EBF3: variants seen among roughly 807,000 people sequenced by gnomAD.
EBF3 encodes transcription factor COE3.
EBF3 carries 18 observed loss-of-function variants against 77.1 expected under a neutral mutation model. That is an observed-to-expected ratio of 0.23 (90% CI 0.16 to 0.35). The LOEUF (loss-of-function observed/expected upper bound fraction) is 0.35, where lower values mean the gene tolerates loss of function less well. Among genes scored for constraint, EBF3 ranks in the 10% least tolerant of loss-of-function variants. The pLI is 1.00. For synonymous variants in EBF3, 350 were observed against 343.5 expected (o/e 1.02, Z -0.21); for missense variants, 558 against 860.0 (o/e 0.65, Z 4.39).
In EBF3 at chr10:129,835,310, TTAAA is replaced by T. The variant is rs1341046327; in HGVS notation, c.*2629_*2632del. On this transcript the variant is annotated 3_prime_UTR_variant, in exon 17 of 17. Coordinates refer to ENST00000440978, the MANE Select transcript of EBF3 (RefSeq NM_001375380.1). ...AATTCACAGACAAGAAATACTTTAA[TTAAA>T]TATTGTGTAAAATGAACATTTTTAT... The T allele has an allele frequency of 2.6e-5, 4 of 152,596 alleles. No individual in the cohort carries two copies. The highest frequency in any genetic ancestry group is 2.1e-4 in the South Asian group (1 of 4,830). 9.5% of individuals were successfully genotyped at this position (152,596 alleles called of 1,614,324 possible). A position where few individuals can be genotyped will look rare whatever the true frequency, so the allele number is the denominator to read the frequency against.
At chr10:129,889,802 CAAAA>C (rs57252162) in intron 6 of EBF3, among the ~76,000 whole-genome samples, 1 of 114,914 alleles carries the variant, frequency 8.7e-6, no homozygotes, top group Non-Finnish European at 1.7e-5. Flanking sequence ...GTCACATCTG[CAAAA>C]AAAAAAAAAA....
Position 129,844,610 on chromosome 10 carries a change from G to A in EBF3, c.1129-1408C>T, listed in dbSNP as rs201208597. On this transcript the variant is annotated intron_variant, in intron 11 of 16. Coordinates refer to ENST00000440978, the MANE Select transcript of EBF3 (RefSeq NM_001375380.1). ...CGACTCTGGACCCTTTATTTATCAA[G>A]ATTAATCACTACGGGCATCACTTTT... Among the ~76,000 whole-genome samples the A allele has an allele frequency of 7.2e-5, 11 of 152,232 alleles. No homozygotes were observed. In the East Asian group the frequency reaches 2.1e-3, roughly 29 times the overall value.
In EBF3 at chr10:129,841,827, G is replaced by A. The variant is rs990042470; in HGVS notation, c.1372+289C>T. Among the ~76,000 whole-genome samples, 16 of 152,174 alleles carry A rather than the reference G, an allele frequency of 1.1e-4. No homozygotes were observed. Among genetic ancestry groups the A allele is most frequent in the African/African-American group, 3.6e-4 (15 of 41,440 alleles). ...AGCCCAGACTTCCAAGGAAAGCAAAGTCTCTTATGAACACATTGAGGGAAA... is the reference window on the plus strand; with the variant it reads ...AGCCCAGACTTCCAAGGAAAGCAAAATCTCTTATGAACACATTGAGGGAAA... On this transcript the variant is annotated intron_variant, in intron 13 of 16. Coordinates refer to ENST00000440978, the MANE Select transcript of EBF3 (RefSeq NM_001375380.1). The surrounding 1 kb of genome is among the most constrained non-coding windows in gnomAD (Gnocchi z 4.6).
At chr10:129,928,146 G>A (rs1035610861) in intron 6 of EBF3, among the ~76,000 whole-genome samples, 7 of 152,190 alleles carry the variant, frequency 4.6e-5, no homozygotes, top group African/African-American at 7.2e-5. Context: ...ATGCGAAAAC[G>A]ACTCAGGCAG....
chr10:129,937,520 CAA>C (rs753643354), intron 6 of EBF3, among the ~76,000 whole-genome samples: 90 of 152,208 alleles, frequency 5.9e-4, no homozygotes, highest in Non-Finnish European at 1.2e-3. Context: ...TGGGGGTCTG[CAA>C]GCCCACCTGT....
chr10:129,891,254 G>A (rs1271327767), intron 6 of EBF3, among the ~76,000 whole-genome samples: 1 of 152,124 alleles, frequency 6.6e-6, no homozygotes, highest in African/African-American at 2.4e-5. Context: ...CTGATACTCT[G>A]AGCCCTGATT....
intron 7 of EBF3, among the ~76,000 whole-genome samples, chr10:129,874,150 T>G (rs11016988): frequency 0.048 from 7,360 of 152,270 alleles, 494 homozygotes; most frequent in African/African-American, 0.15. Context: ...GAACTTTTTT[T>G]CATCTGAAAA....
At chr10:129,956,151 A>C (rs1859019988) in intron 6 of EBF3, among the ~76,000 whole-genome samples, 1 of 152,236 alleles carries the variant, frequency 6.6e-6, no homozygotes, top group South Asian at 2.1e-4. Context: ...CAGCTAGTTA[A>C]ACATTAGCAT....
At position 129,872,627 on chromosome 10, in the gene EBF3, C is replaced by G. The variant is rs369419173; in HGVS notation, c.781+825G>C. Among the ~76,000 whole-genome samples the G allele has an allele frequency of 2.6e-5, 4 of 152,250 alleles. No homozygotes were observed. In the East Asian group the frequency reaches 5.8e-4, roughly 22 times the overall value. ...GGATTCGATCATGCTGTTTTGTTTG[C>G]AATTCACTTAAAAAAACACTCACAT... On this transcript the variant is annotated intron_variant, in intron 8 of 16. Coordinates refer to ENST00000440978, the MANE Select transcript of EBF3 (RefSeq NM_001375380.1).
Position 129,848,077 on chromosome 10 carries a change from G to A in EBF3, c.1128+315C>T, listed in dbSNP as rs149624651. 3.3e-3 allele frequency among the ~76,000 whole-genome samples: 496 copies of A among 152,306 alleles called. 2 individuals are homozygous for A. The highest frequency in any genetic ancestry group is 0.011 in the African/African-American group (468 of 41,562). On this transcript the variant is annotated intron_variant, in intron 11 of 16. Transcript: ENST00000440978. The surrounding 1 kb of genome is among the most constrained non-coding windows in gnomAD (Gnocchi z 4.4). ...GTTTAATTGAACTATTTCATTACGCGGAAGTTTATGTCCCCCTCACAGAAT... is the reference window on the plus strand; with the variant it reads ...GTTTAATTGAACTATTTCATTACGCAGAAGTTTATGTCCCCCTCACAGAAT...
chr10:129,933,853 G>T (rs1857186235), intron 6 of EBF3, among the ~76,000 whole-genome samples: 1 of 152,064 alleles, frequency 6.6e-6, no homozygotes, highest in African/African-American at 2.4e-5. Flanking sequence ...CCTCAGCCTG[G>T]CCACGCTGGG....
At chr10:129,933,855 C>G (rs1357247635) in intron 6 of EBF3, among the ~76,000 whole-genome samples, 1 of 152,158 alleles carries the variant, frequency 6.6e-6, no homozygotes, top group Non-Finnish European at 1.5e-5. Context: ...TCAGCCTGGC[C>G]ACGCTGGGCG....
intron 6 of EBF3, among the ~76,000 whole-genome samples, chr10:129,933,737 C>T (rs1468393140): frequency 6.6e-6 from 1 of 152,230 alleles, no homozygotes; most frequent in Non-Finnish European, 1.5e-5. Context: ...CCTCTGTGAT[C>T]TACAGCAGGG....
At chr10:129,839,020 G>A (rs1849816219) in intron 16 of EBF3, 63 bp downstream of exon 16, 1 of 1,287,842 alleles carries the variant, frequency 7.8e-7, no homozygotes, top group Non-Finnish European at 1.0e-6. Context: ...CACTTCGGGG[G>A]CCTGGGCGTC....
intron 10 of EBF3, among the ~76,000 whole-genome samples, chr10:129,853,003 G>C (rs1270856783): frequency 6.6e-6 from 1 of 152,192 alleles, no homozygotes; most frequent in African/African-American, 2.4e-5. Flanking sequence ...CTGCAAACAG[G>C]ACTGGACTGT....
Position 129,924,847 on chromosome 10 carries a change from T to A in EBF3, c.554+32411A>T, listed in dbSNP as rs574090091. 2.0e-4 allele frequency among the ~76,000 whole-genome samples: 30 copies of A among 151,980 alleles called. No homozygotes were observed. The East Asian group carries it at 5.1e-3, about 26-fold the overall frequency. Reference sequence around the variant, plus strand: ...ACGCCTGGCTAATTTAAAAAAAAAATTTGTGAAGATGGAGGTCTCACTATG... The same window carrying A: ...ACGCCTGGCTAATTTAAAAAAAAAAATTGTGAAGATGGAGGTCTCACTATG... On this transcript the variant is annotated intron_variant, in intron 6 of 16. Coordinates refer to ENST00000440978, the MANE Select transcript of EBF3 (RefSeq NM_001375380.1).
intron 4 of EBF3, among the ~76,000 whole-genome samples, chr10:129,960,779 A>T (rs2134639089): frequency 6.6e-6 from 1 of 152,304 alleles, no homozygotes; most frequent in East Asian, 1.9e-4. Flanking sequence ...TCTGTGCAAC[A>T]ACAGAGAAAC....
chr10:129,835,977 A>ATTG lies in EBF3; in HGVS notation c.*1963_*1965dup, dbSNP rs1196326062. On this transcript the variant is annotated 3_prime_UTR_variant, in exon 17 of 17. Transcript: ENST00000440978. ...CTGTTGGAACTGACCACAAAAATGT[A>ATTG]TTGTTAAAAAAAAATTGAAAACCAG... 6.6e-6 allele frequency: 1 copy of ATTG among 152,614 alleles called. No individual in the cohort carries two copies. Among genetic ancestry groups the ATTG allele is most frequent in the African/African-American group, 2.4e-5 (1 of 41,432 alleles). The allele number at this position is 152,614 out of a possible 1,614,324, so 9.5% of individuals were successfully genotyped here. A position where few individuals can be genotyped will look rare whatever the true frequency, so the allele number is the denominator to read the frequency against.
At chr10:129,921,244 C>T (rs956404839) in intron 6 of EBF3, among the ~76,000 whole-genome samples, 1 of 152,132 alleles carries the variant, frequency 6.6e-6, no homozygotes, top group Non-Finnish European at 1.5e-5. Flanking sequence ...CAGCTGGGCA[C>T]GACTGACGGC....
Sources: allele counts gnomAD v4.1 joint callset (sites outside exome capture counted in the v4.1 genomes callset), GRCh38; gene constraint gnomAD v4.1.1; non-coding constraint Gnocchi (gnomAD v3.1); transcripts MANE v1.5; gene names NCBI Gene and HGNC (gene_info 2026-07-23, HGNC 2026-07-21).